Variants in ANKRD30BL observed in about 807,000 individuals in gnomAD.
The protein encoded by ANKRD30BL is putative ankyrin repeat domain-containing protein 30B-like.
Under a neutral mutation model 18.4 loss-of-function variants are expected in ANKRD30BL, and 20 were observed. The observed-to-expected ratio is 1.09, with a 90% confidence interval of 0.77 to 1.58. The LOEUF (loss-of-function observed/expected upper bound fraction) is 1.58, where lower values mean the gene tolerates loss of function less well. Ranked by LOEUF, ANKRD30BL falls within the 40% of genes most tolerant of loss-of-function variation. The probability of loss-of-function intolerance (pLI) is 0.00; values close to 1 mark genes in which losing one functional copy is unlikely to be tolerated. For missense variants in ANKRD30BL, 224 were observed against 268.6 expected (o/e 0.83, Z 1.16); for synonymous variants, 72 against 100.9 (o/e 0.71, Z 1.72).
At chr2:132,221,345 A>G (rs1679672748) in intron 1 of ANKRD30BL, among the ~76,000 whole-genome samples, 1 of 142,334 alleles carries the variant, frequency 7.0e-6, no homozygotes, top group African/African-American at 2.7e-5. Flanking sequence ...CCGCCCGGCC[A>G]GCCGCCCAGT....
chr2:132,183,783 G>T (rs1688517163), intron 1 of ANKRD30BL, among the ~76,000 whole-genome samples: 1 of 152,034 alleles, frequency 6.6e-6, no homozygotes, highest in Admixed American at 6.6e-5. Flanking sequence ...GCATATATTT[G>T]TATATATATG....
chr2:132,208,308 C>T (rs1162020048), intron 1 of ANKRD30BL, among the ~76,000 whole-genome samples: 1 of 152,124 alleles, frequency 6.6e-6, no homozygotes, highest in Non-Finnish European at 1.5e-5. Flanking sequence ...TTTCCTTTCC[C>T]TATCCCTTCC....
intron 1 of ANKRD30BL, among the ~76,000 whole-genome samples, chr2:132,230,742 G>T (rs1408761081): frequency 1.3e-5 from 2 of 152,062 alleles, no homozygotes; most frequent in Non-Finnish European, 2.9e-5. Flanking sequence ...GAGCAGATTT[G>T]AAACACTCTT....
chr2:132,149,175 G>T (rs1296950741), intron 5 of ANKRD30BL, among the ~76,000 whole-genome samples: 4 of 152,174 alleles, frequency 2.6e-5, no homozygotes, highest in African/African-American at 7.2e-5. Flanking sequence ...AATGTATTGT[G>T]TCACATTTAG....
chr2:132,224,565 G>T (rs1270310882), intron 1 of ANKRD30BL, among the ~76,000 whole-genome samples: 1 of 152,050 alleles, frequency 6.6e-6, no homozygotes, highest in Non-Finnish European at 1.5e-5. Flanking sequence ...GATAGAGCAG[G>T]TTTGAAACAC....
intron 1 of ANKRD30BL, among the ~76,000 whole-genome samples, chr2:132,231,019 A>G (rs1254559855): frequency 6.6e-6 from 1 of 152,182 alleles, no homozygotes; most frequent in Non-Finnish European, 1.5e-5. Flanking sequence ...GATTTCTCAG[A>G]AACTTTTTTG....
chr2:132,217,709 C>A (rs1298706345), intron 1 of ANKRD30BL, among the ~76,000 whole-genome samples: 5 of 152,198 alleles, frequency 3.3e-5, no homozygotes, highest in South Asian at 2.1e-4. Context: ...TTAAGAACCC[C>A]CTTTTTGTAG....
At chr2:132,225,201 T>C (rs1199499983) in intron 1 of ANKRD30BL, among the ~76,000 whole-genome samples, 1 of 152,110 alleles carries the variant, frequency 6.6e-6, no homozygotes, top group African/African-American at 2.4e-5. Context: ...TTGTTCTGTG[T>C]GCATTCAGCT....
intron 1 of ANKRD30BL, among the ~76,000 whole-genome samples, chr2:132,229,213 C>G (rs573122016): frequency 2.0e-5 from 3 of 151,916 alleles, no homozygotes; most frequent in African/African-American, 7.3e-5. Flanking sequence ...TTTTGAAATA[C>G]TCTTTTTGTA....
chr2:132,187,184 G>GTTTTTTTTTTTTTTTTTTTTTTTT (rs1392451243), intron 1 of ANKRD30BL, among the ~76,000 whole-genome samples: 1 of 105,360 alleles, frequency 9.5e-6, no homozygotes, highest in Non-Finnish European at 1.9e-5. Flanking sequence ...TTTTTTTTTT[G>GTTTTTTTTTTTTTTTTTTTTTTTT]TTTGTTTTTT....
chr2:132,206,005 A>C (rs1413756808), intron 1 of ANKRD30BL, among the ~76,000 whole-genome samples: 1 of 151,990 alleles, frequency 6.6e-6, no homozygotes, highest in Non-Finnish European at 1.5e-5. Context: ...TAAAAATACA[A>C]AAATTAAACG....
At chr2:132,216,735 T>C (rs1380375297) in intron 1 of ANKRD30BL, among the ~76,000 whole-genome samples, 2 of 151,952 alleles carry the variant, frequency 1.3e-5, no homozygotes, top group Non-Finnish European at 2.9e-5. Flanking sequence ...AGGCCTTCAT[T>C]GGAATCGGGT....
chr2:132,207,842 G>A (rs1315815486), intron 1 of ANKRD30BL, among the ~76,000 whole-genome samples: 2 of 152,100 alleles, frequency 1.3e-5, no homozygotes, highest in African/African-American at 4.8e-5. Flanking sequence ...AGGCAACGTG[G>A]CATACATGCA....
At chr2:132,164,413 C>T (rs995038223), upstream of ANKRD30BL, among the ~76,000 whole-genome samples, 2 of 151,820 alleles carry the variant, frequency 1.3e-5, no homozygotes, top group Non-Finnish European at 2.9e-5. Flanking sequence ...GCCTCAGCCT[C>T]CTGAGTAGCT....
At chr2:132,162,118 G>A (rs1688090931), upstream of ANKRD30BL, among the ~76,000 whole-genome samples, 1 of 152,012 alleles carries the variant, frequency 6.6e-6, no homozygotes. Flanking sequence ...CTGCCACATG[G>A]CCTGCTTGAC....
chr2:132,206,580 G>A (rs948940106), intron 1 of ANKRD30BL, among the ~76,000 whole-genome samples: 3 of 152,156 alleles, frequency 2.0e-5, no homozygotes, highest in East Asian at 1.9e-4. Context: ...TGCATGTAGA[G>A]TACTTAGTGA....
intron 1 of ANKRD30BL, among the ~76,000 whole-genome samples, chr2:132,182,197 T>C (rs957229498): frequency 6.6e-6 from 1 of 151,764 alleles, no homozygotes; most frequent in South Asian, 2.1e-4. Flanking sequence ...CAAAGAAAAT[T>C]TGTAGGCCGG....
chr2:132,208,661 A>G (rs537304089), intron 1 of ANKRD30BL, among the ~76,000 whole-genome samples: 1 of 151,554 alleles, frequency 6.6e-6, no homozygotes, highest in South Asian at 2.1e-4. Flanking sequence ...ATTTTCCTAA[A>G]TGTATAGCAG....
intron 1 of ANKRD30BL, among the ~76,000 whole-genome samples, chr2:132,194,074 C>G (rs1678915184): frequency 6.6e-6 from 1 of 150,382 alleles, no homozygotes; most frequent in Non-Finnish European, 1.5e-5. Context: ...CACACACACA[C>G]TCACACACAC....
Sources: gnomAD v4.1 joint callset for allele counts (sites outside exome capture counted in the v4.1 genomes callset) on GRCh38, gnomAD v4.1.1 for gene constraint, MANE v1.5 for transcripts, NCBI Gene and HGNC (gene_info 2026-07-23, HGNC 2026-07-21) for gene names.